PDZRN4: variants seen among roughly 807,000 people sequenced by gnomAD.
The protein encoded by PDZRN4 is PDZ domain-containing RING finger protein 4.
PDZRN4 carries 70 observed loss-of-function variants against 99.0 expected under a neutral mutation model. That is an observed-to-expected ratio of 0.71 (90% CI 0.58 to 0.86). The LOEUF is 0.86. PDZRN4 is among the 40% of genes least tolerant of loss of function. PDZRN4 has a pLI of 0.00. For synonymous variants in PDZRN4, 551 were observed against 501.6 expected, an observed-to-expected ratio of 1.10 and a Z score of -1.32; for missense variants, 1,474 against 1,331.2, an observed-to-expected ratio of 1.11 and a Z score of -1.67.
At chr12:41,560,072 G>A (rs1311669456) in intron 7 of PDZRN4, among the ~76,000 whole-genome samples, 2 of 151,946 alleles carry the variant, frequency 1.3e-5, no homozygotes, top group Non-Finnish European at 2.9e-5. Flanking sequence ...CTAATACCCT[G>A]GTTCTCATAT....
intron 3 of PDZRN4, among the ~76,000 whole-genome samples, chr12:41,264,275 C>T (rs1397492461): frequency 1.3e-5 from 2 of 152,114 alleles, no homozygotes; most frequent in African/African-American, 4.8e-5. Context: ...AAACTTCAAC[C>T]TGAGTGTATA....
intron 3 of PDZRN4, among the ~76,000 whole-genome samples, chr12:41,209,177 G>A (rs7305919): frequency 0.43 from 64,898 of 151,516 alleles, 15,579 homozygotes; most frequent in Admixed American, 0.56. Flanking sequence ...CACGGGAAGC[G>A]GTGGTTTATT....
intron 3 of PDZRN4, among the ~76,000 whole-genome samples, chr12:41,419,066 A>G (rs1952469862): frequency 6.6e-6 from 1 of 152,222 alleles, no homozygotes; most frequent in Non-Finnish European, 1.5e-5. Flanking sequence ...TCCACAGGAA[A>G]TGAGAGTGAA....
chr12:41,436,146 C>G (rs543412511), intron 3 of PDZRN4, among the ~76,000 whole-genome samples: 3 of 152,152 alleles, frequency 2.0e-5, no homozygotes, highest in Non-Finnish European at 2.9e-5. Flanking sequence ...TTCTAATTTG[C>G]TAGAAGTCCT....
At chr12:41,544,012 G>A (rs1027522268) in intron 5 of PDZRN4, among the ~76,000 whole-genome samples, 9 of 152,152 alleles carry the variant, frequency 5.9e-5, no homozygotes, top group African/African-American at 2.2e-4. Flanking sequence ...ATGAATAAAT[G>A]CTAGATGGAC....
At chr12:41,320,103 C>T (rs745657518) in intron 3 of PDZRN4, among the ~76,000 whole-genome samples, 5 of 152,228 alleles carry the variant, frequency 3.3e-5, no homozygotes, top group Non-Finnish European at 5.9e-5. Flanking sequence ...TGCTGTTATC[C>T]ATCTTCTGCA....
intron 3 of PDZRN4, among the ~76,000 whole-genome samples, chr12:41,493,246 A>G (rs774880820): frequency 1.3e-5 from 2 of 152,186 alleles, no homozygotes; most frequent in Non-Finnish European, 2.9e-5. Context: ...TCGGAGATGC[A>G]AAGTAATTTG....
intron 3 of PDZRN4, among the ~76,000 whole-genome samples, chr12:41,324,215 C>T (rs1310785142): frequency 6.6e-6 from 1 of 151,956 alleles, no homozygotes; most frequent in African/African-American, 2.4e-5. Context: ...GCAGATACCA[C>T]CAGCAAGTTA....
chr12:41,506,577 G>A lies in PDZRN4; in HGVS notation c.965G>A (p.Gly322Glu). 6.2e-7 allele frequency: 1 copy of A among 1,613,876 alleles called. No homozygotes were observed. Among genetic ancestry groups the A allele is most frequent in the Non-Finnish European group, 8.5e-7 (1 of 1,179,886 alleles). ...RRTPLSRPAY[G>E]MASEVQLMNA... ...ACACCTCTTAGTAGACCAGCCTATG[G>A]GATGGCTTCAGAAGTGCAGCTTATG... is the stretch of plus-strand genomic sequence containing the variant. The change falls in exon 4 of 10, where the codon GGG (glycine) becomes GAG (glutamate). Residue 322 changes from glycine (G) to glutamate (E), a missense_variant. Physicochemically the swap from Gly to Glu is moderately conservative, Grantham distance 98. Transcript: ENST00000402685.
At chr12:41,293,238 G>T (rs1270091172) in intron 3 of PDZRN4, among the ~76,000 whole-genome samples, 1 of 142,480 alleles carries the variant, frequency 7.0e-6, no homozygotes, top group Admixed American at 6.8e-5. Flanking sequence ...CTGGCTGGTG[G>T]AATGTGGGTA....
intron 3 of PDZRN4, among the ~76,000 whole-genome samples, chr12:41,215,388 A>G (rs1172697903): frequency 6.6e-6 from 1 of 152,054 alleles, no homozygotes; most frequent in East Asian, 1.9e-4. Context: ...ACCTAGTGAA[A>G]TAATCTCTAA....
At chr12:41,240,644 T>C (rs564641870) in intron 3 of PDZRN4, among the ~76,000 whole-genome samples, 57 of 152,328 alleles carry the variant, frequency 3.7e-4, no homozygotes, top group African/African-American at 1.3e-3. Context: ...CTCACAGTTC[T>C]GGAGGCTGGG....
intron 3 of PDZRN4, among the ~76,000 whole-genome samples, chr12:41,326,223 C>A (rs1422692915): frequency 1.3e-5 from 2 of 151,992 alleles, no homozygotes; most frequent in African/African-American, 4.8e-5. Context: ...AGCAATCTGC[C>A]CACCTTGGCC....
At chr12:41,307,424 G>T (rs981696982) in intron 3 of PDZRN4, among the ~76,000 whole-genome samples, 1 of 152,040 alleles carries the variant, frequency 6.6e-6, no homozygotes, top group Non-Finnish European at 1.5e-5. Context: ...CTTCTTAAAA[G>T]GGACTAATCC....
intron 3 of PDZRN4, among the ~76,000 whole-genome samples, chr12:41,490,791 C>G (rs576940835): frequency 2.6e-5 from 4 of 152,012 alleles, no homozygotes; most frequent in Admixed American, 2.6e-4. Context: ...ACAAGGTCCT[C>G]TACTTGGAAC....
intron 3 of PDZRN4, among the ~76,000 whole-genome samples, chr12:41,200,467 A>G (rs2120662765): frequency 6.6e-6 from 1 of 152,256 alleles, no homozygotes; most frequent in South Asian, 2.1e-4. Context: ...TGTTATATCC[A>G]TTTTAAATTT....
chr12:41,555,666 C>G (rs373275503), intron 6 of PDZRN4, 32 bp from the exon 7 acceptor site: 122 of 1,536,924 alleles, frequency 7.9e-5, no homozygotes, highest in Non-Finnish European at 2.2e-5. Context: ...TGTTTCATAC[C>G]CAGTTGAAGA....
intron 3 of PDZRN4, among the ~76,000 whole-genome samples, chr12:41,274,709 T>C (rs1951338520): frequency 6.6e-6 from 1 of 152,130 alleles, no homozygotes; most frequent in Non-Finnish European, 1.5e-5. Context: ...TTAGGAAAAG[T>C]TTTCTTATAT....
At chr12:41,420,558 C>A (rs750037731) in intron 3 of PDZRN4, among the ~76,000 whole-genome samples, 2 of 152,124 alleles carry the variant, frequency 1.3e-5, no homozygotes, top group African/African-American at 2.4e-5. Context: ...ATCAATAAAC[C>A]CACCTCTCCC....
Sources: gnomAD v4.1 joint callset for allele counts (sites outside exome capture counted in the v4.1 genomes callset) on GRCh38, gnomAD v4.1.1 for gene constraint, MANE v1.5 for transcripts, NCBI Gene and HGNC (gene_info 2026-07-23, HGNC 2026-07-21) for gene names.